The following SORCS2 variants were observed in gnomAD, a reference collection of about 807,000 sequenced individuals.
SORCS2 encodes VPS10 domain-containing receptor SorCS2.
Under a neutral mutation model 141.6 loss-of-function variants are expected in SORCS2, and 100 were observed. The ratio of observed to expected loss-of-function variants is 0.71; its 90% CI spans 0.60 to 0.83. SORCS2 has a LOEUF of 0.83. Among genes scored for constraint, SORCS2 ranks in the 40% least tolerant of loss-of-function variants. SORCS2 has a pLI of 0.00. For missense variants in SORCS2, 1,646 were observed against 1,560.2 expected, an observed-to-expected ratio of 1.05 and a Z score of -0.93; for synonymous variants, 789 against 676.9, an observed-to-expected ratio of 1.17 and a Z score of -2.57.
chr4:7,450,556 GTGCTGTGTGTAAGGATGCATCCGTGCCT>G (rs1050884100), intron 2 of SORCS2, among the ~76,000 whole-genome samples: 5 of 152,200 alleles, frequency 3.3e-5, no homozygotes, highest in African/African-American at 1.2e-4. Flanking sequence ...ACAGCTGTAG[GTGCTGTGTGTAAGGATGCATCCGTGCCT>G]TCTCTCACAC....
At chr4:7,557,950 G>A (rs893845184) in intron 3 of SORCS2, among the ~76,000 whole-genome samples, 6 of 152,206 alleles carry the variant, frequency 3.9e-5, no homozygotes, top group East Asian at 1.9e-4. Context: ...GAGGCAGAGC[G>A]ACCTACTCAC....
intron 2 of SORCS2, among the ~76,000 whole-genome samples, chr4:7,428,124 A>G (rs11944538): frequency 0.52 from 78,489 of 152,064 alleles, 20,299 homozygotes; most frequent in East Asian, 0.59. Flanking sequence ...CTTCACCTGG[A>G]CCATGGAGGA....
At chr4:7,435,174 T>G (rs1390797281) in intron 2 of SORCS2, among the ~76,000 whole-genome samples, 1 of 152,134 alleles carries the variant, frequency 6.6e-6, no homozygotes, top group African/African-American at 2.4e-5. Flanking sequence ...TCCTGGCCCC[T>G]GGGCTGTGTC....
chr4:7,403,074 C>A (rs1224615095), intron 2 of SORCS2, among the ~76,000 whole-genome samples: 1 of 152,136 alleles, frequency 6.6e-6, no homozygotes, highest in Non-Finnish European at 1.5e-5. Flanking sequence ...GAATGTTTTG[C>A]CATACCACAT....
intron 3 of SORCS2, among the ~76,000 whole-genome samples, chr4:7,604,527 C>G (rs1717939125): frequency 1.3e-5 from 2 of 152,188 alleles, no homozygotes; most frequent in Non-Finnish European, 2.9e-5. Context: ...CTGTGTTAGC[C>G]AGGATGGTCT....
chr4:7,420,144 G>A (rs1725946180), intron 2 of SORCS2, among the ~76,000 whole-genome samples: 1 of 152,230 alleles, frequency 6.6e-6, no homozygotes. Context: ...TGCAAGGGAG[G>A]TTGGGAAATG....
At chr4:7,452,061 C>T (rs1167298741) in intron 2 of SORCS2, among the ~76,000 whole-genome samples, 1 of 152,188 alleles carries the variant, frequency 6.6e-6, no homozygotes, top group Non-Finnish European at 1.5e-5. Context: ...CTTCCCCTCA[C>T]CACCATGAAT....
chr4:7,620,113 C>T lies in SORCS2; in HGVS notation c.649-18215C>T, dbSNP rs372456409. On this transcript the variant is annotated intron_variant, in intron 3 of 26. Transcript: ENST00000507866. ...ATCTGCTGGGCTGGGGACCACTGGG[C>T]GTTTCTCCTGAGCACCCCCAGCACC... Among the ~76,000 whole-genome samples, 4 of 152,014 alleles carry T rather than the reference C, an allele frequency of 2.6e-5. No individual in the cohort carries two copies. In the East Asian group the frequency reaches 7.7e-4, roughly 29 times the overall value.
intron 3 of SORCS2, among the ~76,000 whole-genome samples, chr4:7,608,130 C>T (rs903303098): frequency 3.9e-5 from 6 of 152,266 alleles, no homozygotes; most frequent in Middle Eastern, 3.4e-3. Flanking sequence ...GTATGGCACA[C>T]GCAGTTGTCC....
chr4:7,650,657 A>T (rs921590155), intron 4 of SORCS2, among the ~76,000 whole-genome samples: 2 of 151,984 alleles, frequency 1.3e-5, no homozygotes, highest in African/African-American at 2.4e-5. Flanking sequence ...AGGCCATGAC[A>T]GGGAGGCAGA....
intron 25 of SORCS2, among the ~76,000 whole-genome samples, 164 bp downstream of exon 25, chr4:7,734,538 G>T (rs914876396): frequency 6.6e-6 from 1 of 152,034 alleles, no homozygotes; most frequent in African/African-American, 2.4e-5. Context: ...TGCTTGCCTG[G>T]CTCTGTACCA....
chr4:7,531,803 T>C (rs78643650), intron 3 of SORCS2, among the ~76,000 whole-genome samples, 174 bp downstream of exon 3: 2,065 of 152,374 alleles, frequency 0.014, 23 homozygotes, highest in Non-Finnish European at 0.021. Context: ...CCTGACACCA[T>C]TCTGTGCTTT....
At chr4:7,554,235 C>T (rs552746411) in intron 3 of SORCS2, among the ~76,000 whole-genome samples, 41 of 152,306 alleles carry the variant, frequency 2.7e-4, no homozygotes, top group Admixed American at 2.5e-3. Flanking sequence ...AAATACTCCC[C>T]AGAGTCTGGC....
intron 2 of SORCS2, among the ~76,000 whole-genome samples, chr4:7,425,158 C>G (rs1385160519): frequency 6.6e-6 from 1 of 152,214 alleles, no homozygotes; most frequent in Non-Finnish European, 1.5e-5. Flanking sequence ...CACCAGAATC[C>G]ACTAGGAACA....
chr4:7,220,923 A>C (rs1728664584), intron 1 of SORCS2, among the ~76,000 whole-genome samples: 1 of 152,244 alleles, frequency 6.6e-6, no homozygotes, highest in Non-Finnish European at 1.5e-5. Context: ...GCACCCACAC[A>C]GGTTGTTTAA....
chr4:7,669,516 G>C (rs1287677976), intron 8 of SORCS2, among the ~76,000 whole-genome samples: 6 of 152,244 alleles, frequency 3.9e-5, no homozygotes, highest in African/African-American at 1.4e-4. Flanking sequence ...AGCCTGCCCA[G>C]TGTTTCCCAC....
At chr4:7,708,156 C>T (rs1375108546) in intron 14 of SORCS2, among the ~76,000 whole-genome samples, 2 of 152,308 alleles carry the variant, frequency 1.3e-5, no homozygotes, top group East Asian at 3.9e-4. Flanking sequence ...ACGAGGTCGC[C>T]GCAAATGAGC....
At chr4:7,589,973 G>A (rs113162475) in intron 3 of SORCS2, among the ~76,000 whole-genome samples, 16 of 152,308 alleles carry the variant, frequency 1.1e-4, no homozygotes, top group Non-Finnish European at 1.5e-4. Context: ...ACGGAATGGC[G>A]GGGCTATTGG....
At chr4:7,228,295 C>T (rs1711558456) in intron 1 of SORCS2, among the ~76,000 whole-genome samples, 1 of 152,170 alleles carries the variant, frequency 6.6e-6, no homozygotes, top group Non-Finnish European at 1.5e-5. Context: ...AAGGTCCTGT[C>T]TCCAAATAAA....
Sources: gnomAD v4.1 joint callset for allele counts (sites outside exome capture counted in the v4.1 genomes callset) on GRCh38, gnomAD v4.1.1 for gene constraint, MANE v1.5 for transcripts, NCBI Gene and HGNC (gene_info 2026-07-23, HGNC 2026-07-21) for gene names.